The following SLC24A2 variants were observed in gnomAD, a reference collection of about 807,000 sequenced individuals.
SLC24A2 encodes the protein sodium/potassium/calcium exchanger 2.
SLC24A2 carries 36 observed loss-of-function variants against 62.0 expected under a neutral mutation model. The observed-to-expected ratio is 0.58, with a 90% CI of 0.44 to 0.77. The LOEUF (loss-of-function observed/expected upper bound fraction) is 0.77. Ranked by LOEUF, SLC24A2 falls within the 30% of genes least tolerant of loss-of-function variation. The pLI, the probability that SLC24A2 is intolerant of heterozygous loss-of-function variation, is 0.00. For synonymous variants in SLC24A2, 358 were observed against 294.0 expected (o/e 1.22, Z -2.23); for missense variants, 846 against 817.9 (o/e 1.03, Z -0.42).
intron 2 of SLC24A2, among the ~76,000 whole-genome samples, chr9:19,686,491 CATCTT>C (rs1205176662): frequency 6.6e-6 from 1 of 152,082 alleles, no homozygotes; most frequent in African/African-American, 2.4e-5. Flanking sequence ...ACCCAAATCT[CATCTT>C]GAGTTGTAGT....
chr9:19,998,376 A>G, the SLC24A2 span, among the ~76,000 whole-genome samples: 1 of 152,168 alleles, frequency 6.6e-6, no homozygotes, highest in Non-Finnish European at 1.5e-5. Flanking sequence ...AAGCCTGTCA[A>G]TGATTCACTT....
chr9:20,053,152 C>T, the SLC24A2 span, among the ~76,000 whole-genome samples: 8 of 152,158 alleles, frequency 5.3e-5, no homozygotes, highest in South Asian at 2.1e-4. Context: ...GTTGATTTCT[C>T]GTCAACTTCA....
At chr9:19,723,590 G>C (rs1408526977) in intron 2 of SLC24A2, among the ~76,000 whole-genome samples, 1 of 152,070 alleles carries the variant, frequency 6.6e-6, no homozygotes, top group Non-Finnish European at 1.5e-5. Context: ...TTAGGATCGA[G>C]TATAACACTA....
At chr9:19,989,113 T>C in the SLC24A2 span, among the ~76,000 whole-genome samples, 5 of 152,130 alleles carry the variant, frequency 3.3e-5, no homozygotes, top group Non-Finnish European at 7.4e-5. Flanking sequence ...ATTTTAATCA[T>C]AGATGTTAAT....
At chr9:19,982,254 C>T in the SLC24A2 span, among the ~76,000 whole-genome samples, 2 of 152,132 alleles carry the variant, frequency 1.3e-5, no homozygotes, top group Non-Finnish European at 2.9e-5. Flanking sequence ...AAATCAAAAG[C>T]AATTCCTTAT....
the SLC24A2 span, among the ~76,000 whole-genome samples, chr9:20,196,012 C>G: frequency 6.6e-6 from 1 of 152,164 alleles, no homozygotes; most frequent in Non-Finnish European, 1.5e-5. Flanking sequence ...CATACAATAT[C>G]TGTTTAATAG....
chr9:19,821,393 C>T, the SLC24A2 span, among the ~76,000 whole-genome samples: 13 of 151,960 alleles, frequency 8.6e-5, no homozygotes, highest in African/African-American at 1.9e-4. Flanking sequence ...AGATTGTAAA[C>T]GGATTTATTT....
chr9:20,271,472 T>C, the SLC24A2 span, among the ~76,000 whole-genome samples: 3 of 116,898 alleles, frequency 2.6e-5, no homozygotes. Flanking sequence ...TCCTTTTTTA[T>C]TTTTTCTGCT....
chr9:19,626,160 C>T (rs1199151590), intron 2 of SLC24A2, among the ~76,000 whole-genome samples: 6 of 152,104 alleles, frequency 3.9e-5, no homozygotes, highest in South Asian at 2.1e-4. Flanking sequence ...TCCTTGAAAG[C>T]GAGAAATGAT....
chr9:19,593,588 A>T (rs1836618942), intron 5 of SLC24A2, among the ~76,000 whole-genome samples: 1 of 152,160 alleles, frequency 6.6e-6, no homozygotes, highest in Non-Finnish European at 1.5e-5. Context: ...ATGTAGAAAG[A>T]AATGCTTTCT....
chr9:19,966,450 C>A, the SLC24A2 span, among the ~76,000 whole-genome samples: 1 of 152,074 alleles, frequency 6.6e-6, no homozygotes, highest in African/African-American at 2.4e-5. Context: ...CATCTTAGAG[C>A]CAATAATTTC....
At chr9:19,934,428 C>G in the SLC24A2 span, among the ~76,000 whole-genome samples, 1 of 152,108 alleles carries the variant, frequency 6.6e-6, no homozygotes, top group Non-Finnish European at 1.5e-5. This position sits in a 1 kb window ranked among gnomAD's most constrained non-coding sequence, Gnocchi z 4.1. Flanking sequence ...TCCCGGACCC[C>G]CGCGCACCCC....
At chr9:20,038,632 C>CATTTCTTGTAAGAAAAAAAAAAAAAA in the SLC24A2 span, among the ~76,000 whole-genome samples, 1 of 108,688 alleles carries the variant, frequency 9.2e-6, no homozygotes, top group Non-Finnish European at 2.0e-5. Flanking sequence ...AAGAAACAAA[C>CATTTCTTGTAAGAAAAAAAAAAAAAA]AAAAAAAAAA....
At chr9:19,790,584 T>C (rs1286444052), upstream of SLC24A2, among the ~76,000 whole-genome samples, 1 of 150,604 alleles carries the variant, frequency 6.6e-6, no homozygotes, top group African/African-American at 2.4e-5. Context: ...TCAAACATGA[T>C]TATATCTATT....
intron 2 of SLC24A2, among the ~76,000 whole-genome samples, chr9:19,716,208 G>A (rs1404404159): frequency 1.3e-5 from 2 of 151,924 alleles, no homozygotes; most frequent in African/African-American, 4.8e-5. Flanking sequence ...CATATCGCAA[G>A]ATACCATGTG....
chr9:19,850,548 C>T, the SLC24A2 span, among the ~76,000 whole-genome samples: 2 of 152,060 alleles, frequency 1.3e-5, no homozygotes, highest in Non-Finnish European at 2.9e-5. Context: ...TAAAGTTGCT[C>T]AGTCATCATC....
chr9:19,820,017 A>ATGTG, the SLC24A2 span, among the ~76,000 whole-genome samples: 1 of 98,764 alleles, frequency 1.0e-5, no homozygotes, highest in African/African-American at 3.6e-5. Context: ...GTGTATATAT[A>ATGTG]TATATATACA....
chr9:20,019,083 G>A, the SLC24A2 span, among the ~76,000 whole-genome samples: 4 of 105,966 alleles, frequency 3.8e-5, no homozygotes, highest in Non-Finnish European at 6.1e-5. Flanking sequence ...CAGAGAAAGA[G>A]AGAAAGAAAG....
the SLC24A2 span, among the ~76,000 whole-genome samples, chr9:19,879,478 G>T: frequency 1.3e-5 from 2 of 152,176 alleles, no homozygotes; most frequent in African/African-American, 4.8e-5. Context: ...AAAGGAAATA[G>T]CAAGTTATTT....
Sources: allele counts gnomAD v4.1 joint callset (sites outside exome capture counted in the v4.1 genomes callset), GRCh38; gene constraint gnomAD v4.1.1; non-coding constraint Gnocchi (gnomAD v3.1); transcripts MANE v1.5; gene names NCBI Gene and HGNC (gene_info 2026-07-23, HGNC 2026-07-21).